ADAMTS8: variants seen among roughly 807,000 people sequenced by gnomAD.
ADAMTS8 encodes ADAM metallopeptidase with thrombospondin type 1 motif 8, also known as A disintegrin and metalloproteinase with thrombospondin motifs 8.
A neutral mutation model predicts 64.4 loss-of-function variants in ADAMTS8; 50 were observed. The observed-to-expected ratio is 0.78, with a 90% CI of 0.62 to 0.98. The LOEUF is 0.98. Among genes scored for constraint, ADAMTS8 ranks in the 50% least tolerant of loss-of-function variants. The pLI, the probability that ADAMTS8 is intolerant of heterozygous loss-of-function variation, is 0.00. For synonymous variants in ADAMTS8, 556 were observed against 533.6 expected (o/e 1.04, Z -0.58); for missense variants, 1,192 against 1,208.2 (o/e 0.99, Z 0.20).
intron 1 of ADAMTS8, among the ~76,000 whole-genome samples, chr11:130,425,631 T>C (rs374383576): frequency 6.6e-6 from 1 of 151,352 alleles, no homozygotes; most frequent in Non-Finnish European, 1.5e-5. Context: ...GATGGAGTCT[T>C]GCTCTGTCAC....
chr11:130,427,439 G>T, intron 1 of ADAMTS8, 128 bp downstream of exon 1: 1 of 1,109,804 alleles, frequency 9.0e-7, no homozygotes, highest in Non-Finnish European at 1.2e-6. Flanking sequence ...TGGAGAAGAT[G>T]AGTGGGGAGG....
chr11:130,428,469 G>GC lies in ADAMTS8; in HGVS notation c.-184dup. On this transcript the variant is annotated 5_prime_UTR_variant, in exon 1 of 9. Coordinates refer to ENST00000257359, the MANE Select transcript of ADAMTS8 (RefSeq NM_007037.6). ...GCTCCCCCGGCGGCCCCTCTGGCTG[G>GC]CGCAGCCCGCTCCTCCCGCGCCGCC... is the stretch of plus-strand genomic sequence containing the variant. 1 of 1,009,862 alleles carries GC rather than the reference G, an allele frequency of 9.9e-7. No individual in the cohort carries two copies. The allele number at this position is 1,009,862 out of a possible 1,614,324, so 62.6% of individuals were successfully genotyped here.
chr11:130,406,255 A>G, intron 8 of ADAMTS8, 127 bp from the exon 9 acceptor site: 8 of 1,192,124 alleles, frequency 6.7e-6, no homozygotes, highest in Non-Finnish European at 9.2e-6. Context: ...GTAATTAAGC[A>G]AGTTGCCTCA....
intron 1 of ADAMTS8, 62 bp from the exon 2 acceptor site, chr11:130,419,354 G>A (rs1186942572): frequency 3.7e-6 from 6 of 1,600,930 alleles, no homozygotes; most frequent in South Asian, 1.1e-5. Flanking sequence ...CCTTGGCCTG[G>A]CCTGTCCGCT....
At chr11:130,413,711 C>T (rs1276373981) in intron 5 of ADAMTS8, among the ~76,000 whole-genome samples, 1 of 152,184 alleles carries the variant, frequency 6.6e-6, no homozygotes, top group Non-Finnish European at 1.5e-5. Flanking sequence ...CTGAATCTGT[C>T]TCCTCTCCTC....
intron 1 of ADAMTS8, 46 bp downstream of exon 1, chr11:130,427,521 T>A: frequency 7.1e-7 from 1 of 1,415,436 alleles, no homozygotes; most frequent in African/African-American, 1.5e-5. Flanking sequence ...GGGAGGCGTC[T>A]GGGGGGCCTC....
chr11:130,408,688 C>A (rs1861914481), intron 7 of ADAMTS8, 49 bp from the exon 8 acceptor site: 10 of 1,611,564 alleles, frequency 6.2e-6, no homozygotes, highest in Non-Finnish European at 8.5e-6. Flanking sequence ...AGCACAGAAG[C>A]AGCCTGCCGG....
intron 1 of ADAMTS8, among the ~76,000 whole-genome samples, chr11:130,425,898 G>A (rs1377633575): frequency 6.6e-6 from 1 of 152,118 alleles, no homozygotes; most frequent in African/African-American, 2.4e-5. Flanking sequence ...ACCGTGCCCG[G>A]CCATCTTAGC....
At chr11:130,408,343 A>G in intron 8 of ADAMTS8, 121 bp downstream of exon 8, 7 of 1,208,520 alleles carry the variant, frequency 5.8e-6, no homozygotes, top group South Asian at 4.3e-5. Context: ...GAGAGTTTAA[A>G]TAACTTGCCC....
intron 1 of ADAMTS8, 76 bp from the exon 2 acceptor site, chr11:130,419,368 A>G: frequency 1.3e-6 from 2 of 1,584,832 alleles, no homozygotes; most frequent in Non-Finnish European, 1.7e-6. Context: ...GTCCGCTGCC[A>G]TCACCTCTTG....
chr11:130,405,180 TGA>T lies in ADAMTS8; in HGVS notation c.*376_*377del. 9 of 1,013,354 alleles carry T rather than the reference TGA, an allele frequency of 8.9e-6. No homozygotes were observed. Among genetic ancestry groups the T allele is most frequent in the Non-Finnish European group, 1.1e-5 (9 of 848,066 alleles). 62.8% of individuals were successfully genotyped at this position (1,013,354 alleles called of 1,614,324 possible). A position where few individuals can be genotyped will look rare whatever the true frequency, so the allele number is the denominator to read the frequency against. On this transcript the variant is annotated 3_prime_UTR_variant, in exon 9 of 9. Transcript: ENST00000257359. The stretch of plus-strand genomic sequence containing the variant: ...TCTCTTGTACTAATTTTTTCCCCTG[TGA>T]GGTAGATTATTTATCGGGGAAACCA...
At position 130,419,158 on chromosome 11, in the gene ADAMTS8, A is replaced by G. The variant is rs2134686433; in HGVS notation, c.855T>C (p.Asn285=). 1 of 1,614,098 alleles carries G rather than the reference A, an allele frequency of 6.2e-7. No homozygotes were observed. The highest frequency in any genetic ancestry group is 8.5e-7 in the Non-Finnish European group (1 of 1,180,024). The change falls in exon 2 of 9, where the codon AAT becomes AAC. Residue 285 remains asparagine (N), a synonymous_variant. Transcript: ENST00000257359. Reference sequence around the variant, plus strand: ...AGAAGTTACGCAGTGTAAGCCCCCCATTGTCGGACACCTCTGGGCCCCATT... The same window carrying G: ...AGAAGTTACGCAGTGTAAGCCCCCCGTTGTCGGACACCTCTGGGCCCCATT... ...DEKWGPEVSD[N]GGLTLRNFCN...
chr11:130,408,081 C>T (rs573957658), intron 8 of ADAMTS8, among the ~76,000 whole-genome samples: 1 of 152,228 alleles, frequency 6.6e-6, no homozygotes, highest in Admixed American at 6.5e-5. Context: ...TAGGGTGAGA[C>T]GTCCTTCCCA....
At chr11:130,415,016 C>T (rs576788578) in intron 4 of ADAMTS8, among the ~76,000 whole-genome samples, 184 bp from the exon 5 acceptor site, 5 of 152,330 alleles carry the variant, frequency 3.3e-5, no homozygotes, top group East Asian at 1.9e-4. Context: ...CAGTTGCAAA[C>T]GCTCTTCAGG....
rs965748512 is a variant in ADAMTS8, at chr11:130,405,440, C to T, written c.*118G>A. ...TGGAGGGGTTGCGGCAATGGGAGGCCTGGGTGGGCCGTGCTGCCTTGATAT... is the reference window on the plus strand; with the variant it reads ...TGGAGGGGTTGCGGCAATGGGAGGCTTGGGTGGGCCGTGCTGCCTTGATAT... On this transcript the variant is annotated 3_prime_UTR_variant, in exon 9 of 9. Transcript: ENST00000257359. 3 of 1,495,122 alleles carry T rather than the reference C, an allele frequency of 2.0e-6. No homozygotes were observed. The highest frequency in any genetic ancestry group is 2.7e-6 in the Non-Finnish European group (3 of 1,130,990). 92.6% of individuals were successfully genotyped at this position (1,495,122 alleles called of 1,614,324 possible). A position where few individuals can be genotyped will look rare whatever the true frequency, so the allele number is the denominator to read the frequency against.
At chr11:130,427,545 T>C (rs764998053) in intron 1 of ADAMTS8, 22 bp downstream of exon 1, 32 of 1,519,448 alleles carry the variant, frequency 2.1e-5, no homozygotes, top group Non-Finnish European at 2.1e-5. Context: ...GCACGGCGGC[T>C]GGAGGAGGCT....
rs953934864 is a variant in ADAMTS8, at chr11:130,420,605, T to C, written c.721-1313A>G. Among the ~76,000 whole-genome samples the C allele has an allele frequency of 3.0e-4, 45 of 152,162 alleles. 1 individual carries two copies. Among genetic ancestry groups the C allele is most frequent in the African/African-American group, 1.1e-3 (44 of 41,530 alleles). On this transcript the variant is annotated intron_variant, in intron 1 of 8. Transcript: ENST00000257359. ...AGAAAGGAAAGGGTAGAGAGGGACATTCCATCGGGTGAGGCCATGTGTGGG... is the reference window on the plus strand; with the variant it reads ...AGAAAGGAAAGGGTAGAGAGGGACACTCCATCGGGTGAGGCCATGTGTGGG...
intron 2 of ADAMTS8, 130 bp from the exon 3 acceptor site, chr11:130,417,205 G>T: frequency 1.1e-6 from 1 of 928,454 alleles, no homozygotes; most frequent in Non-Finnish European, 1.6e-6. Context: ...ATGTTTGCTG[G>T]CCTGTGCATC....
At chr11:130,409,915 G>C (rs867144335) in intron 6 of ADAMTS8, among the ~76,000 whole-genome samples, 5 of 152,240 alleles carry the variant, frequency 3.3e-5, no homozygotes, top group Admixed American at 6.5e-5. Context: ...GAGGGGGTCT[G>C]GGCTGTGTCT....
Sources: allele counts gnomAD v4.1 joint callset (sites outside exome capture counted in the v4.1 genomes callset), GRCh38; gene constraint gnomAD v4.1.1; transcripts MANE v1.5; gene names NCBI Gene and HGNC (gene_info 2026-07-23, HGNC 2026-07-21).